ANKRD28: variants seen among roughly 807,000 people sequenced by gnomAD.
ANKRD28 encodes the protein serine/threonine-protein phosphatase 6 regulatory ankyrin repeat subunit A.
Under a neutral mutation model 126.5 loss-of-function variants are expected in ANKRD28, and 44 were observed. The ratio of observed to expected loss-of-function variants is 0.35; its 90% CI spans 0.27 to 0.45. ANKRD28 has a LOEUF of 0.45. Ranked by LOEUF, ANKRD28 falls within the 20% of genes least tolerant of loss-of-function variation. The probability of loss-of-function intolerance (pLI) is 1.00; values close to 1 mark genes in which losing one functional copy is unlikely to be tolerated. For missense variants in ANKRD28, 1,110 were observed against 1,316.6 expected (o/e 0.84, Z 2.43); for synonymous variants, 442 against 468.5 (o/e 0.94, Z 0.73).
chr3:15,808,722 A>G (rs557940452), intron 1 of ANKRD28, among the ~76,000 whole-genome samples: 2 of 152,236 alleles, frequency 1.3e-5, no homozygotes, highest in Admixed American at 1.3e-4. Flanking sequence ...GCCTATAGAA[A>G]GCTTTCCTGC....
At chr3:15,829,245 T>A (rs13075529) in intron 1 of ANKRD28, among the ~76,000 whole-genome samples, 96,203 of 151,770 alleles carry the variant, frequency 0.63, 31,920 homozygotes, top group East Asian at 0.93. Flanking sequence ...ATTATTTTTT[T>A]AAAAAATTAA....
At position 15,830,059 on chromosome 3, in the gene ANKRD28, T is replaced by C. The variant is rs1575784366; in HGVS notation, c.27+29318A>G. Among the ~76,000 whole-genome samples, 1 of 152,162 alleles carries C rather than the reference T, an allele frequency of 6.6e-6. No individual in the cohort carries two copies. Among genetic ancestry groups the C allele is most frequent in the Non-Finnish European group, 1.5e-5 (1 of 68,028 alleles). ...GGTGAAGTGTAATGTAAGTAATTTA[T>C]ACTTAAAAACAATCTTAAGGGAAAT... On this transcript the variant is annotated intron_variant, in intron 1 of 27. Transcript: ENST00000399451. The surrounding 1 kb of genome is among the most constrained non-coding windows in gnomAD (Gnocchi z 4.5).
intron 19 of ANKRD28, 40 bp from the exon 20 acceptor site, chr3:15,686,159 G>C: frequency 6.2e-7 from 1 of 1,601,198 alleles, no homozygotes; most frequent in Non-Finnish European, 8.5e-7. Flanking sequence ...TGTCACTTAA[G>C]ACTGTACTCT....
At chr3:15,850,714 T>C (rs963812061) in intron 1 of ANKRD28, among the ~76,000 whole-genome samples, 3 of 152,218 alleles carry the variant, frequency 2.0e-5, no homozygotes, top group African/African-American at 4.8e-5. Flanking sequence ...CTTCACCCTA[T>C]GTATTTCTTC....
intron 18 of ANKRD28, among the ~76,000 whole-genome samples, chr3:15,687,121 T>C (rs1035713768): frequency 9.2e-5 from 14 of 151,886 alleles, no homozygotes; most frequent in African/African-American, 3.4e-4. Flanking sequence ...TTTTTTGTAT[T>C]TTTAGGAGAG....
At chr3:15,810,477 G>GTA (rs2060688504) in intron 1 of ANKRD28, among the ~76,000 whole-genome samples, 1 of 151,198 alleles carries the variant, frequency 6.6e-6, no homozygotes, top group African/African-American at 2.5e-5. Flanking sequence ...TTAAAATACA[G>GTA]TATATATCAC....
intron 18 of ANKRD28, among the ~76,000 whole-genome samples, chr3:15,689,062 G>A (rs1485683122): frequency 6.6e-6 from 1 of 152,146 alleles, no homozygotes; most frequent in Non-Finnish European, 1.5e-5. Context: ...TGTTTTAAGT[G>A]ATGATAGTCT....
Position 15,751,790 on chromosome 3 carries a change from C to A in ANKRD28, c.311G>T (p.Trp104Leu). 6.3e-7 allele frequency: 1 copy of A among 1,588,212 alleles called. No homozygotes were observed. ...AACTGCTCTGTGTAAAGGTGTCAAC[C>A]ATTTGCTGTCTTTGGCATTAACTCT... ...GARVNAKDSK[W>L]LTPLHRAVAS... The change falls in exon 4 of 28, where the codon TGG (tryptophan) becomes TTG (leucine). Residue 104 changes from tryptophan to leucine, a missense_variant. By Grantham distance (61) the Trp-to-Leu change is moderately conservative. Transcript: ENST00000683139.
At chr3:15,676,219 C>G (rs2066919193) in intron 26 of ANKRD28, 1 of 393,568 alleles carries the variant, frequency 2.5e-6, no homozygotes, top group South Asian at 1.1e-4. Flanking sequence ...CCATAGGTCC[C>G]ATCGACAGGT....
In ANKRD28 at chr3:15,678,245, T is replaced by A; in HGVS notation, c.2671A>T (p.Met891Leu). Residue 891 changes from methionine (M) to leucine (L), a missense_variant, in exon 24 of 28, where the codon ATG becomes TTG. By Grantham distance (15) the Met-to-Leu change is conservative (BLOSUM62 2). Coordinates refer to ENST00000683139, the MANE Select transcript of ANKRD28 (RefSeq NM_001349278.2). Reference sequence around the variant, plus strand: ...GTTTGTCCATTTTCTGCAGCCATCATAAGAGGTGTTTTCCCTGTAGAGTCC... The same window carrying A: ...GTTTGTCCATTTTCTGCAGCCATCAAAAGAGGTGTTTTCCCTGTAGAGTCC... ...SVDSTGKTPL[M>L]MAAENGQTNT... 6.2e-7 allele frequency: 1 copy of A among 1,612,558 alleles called. No homozygotes were observed. Among genetic ancestry groups the A allele is most frequent in the East Asian group, 2.2e-5 (1 of 44,838 alleles).
At chr3:15,705,702 T>C (rs1486182155) in intron 14 of ANKRD28, among the ~76,000 whole-genome samples, 1 of 152,204 alleles carries the variant, frequency 6.6e-6, no homozygotes, top group Non-Finnish European at 1.5e-5. Flanking sequence ...TACTATTGCC[T>C]TTAAGATTAG....
intron 2 of ANKRD28, among the ~76,000 whole-genome samples, chr3:15,772,231 A>C (rs750368725): frequency 7.2e-5 from 11 of 152,178 alleles, no homozygotes; most frequent in Non-Finnish European, 1.0e-4. Flanking sequence ...AACAAAACAA[A>C]AACAGAGTAT....
intron 1 of ANKRD28, among the ~76,000 whole-genome samples, chr3:15,807,709 G>A (rs2060615593): frequency 6.6e-6 from 1 of 152,158 alleles, no homozygotes; most frequent in African/African-American, 2.4e-5. Flanking sequence ...ATAAAGGGTT[G>A]ATAAAGCTGA....
At chr3:15,771,049 T>G (rs1323724585) in intron 2 of ANKRD28, among the ~76,000 whole-genome samples, 1 of 152,164 alleles carries the variant, frequency 6.6e-6, no homozygotes, top group Non-Finnish European at 1.5e-5. Context: ...CAAAGGAATA[T>G]CTGAGGGTGG....
chr3:15,689,814 C>A, intron 18 of ANKRD28: 3 of 546,662 alleles, frequency 5.5e-6, no homozygotes, highest in Non-Finnish European at 9.6e-6. Context: ...CACTGGGATA[C>A]TCCTAATGTT....
chr3:15,766,462 T>C, intron 2 of ANKRD28, 150 bp from the exon 3 acceptor site: 1 of 576,640 alleles, frequency 1.7e-6, no homozygotes, highest in Non-Finnish European at 3.0e-6. Flanking sequence ...AGTCTGCAAG[T>C]CCCAATAAAA....
intron 1 of ANKRD28, among the ~76,000 whole-genome samples, chr3:15,850,224 T>TATATATAGAGAGAGAGAGAGAGAGAG (rs1418223588): frequency 2.8e-5 from 1 of 35,116 alleles, no homozygotes; most frequent in Non-Finnish European, 6.0e-5. Flanking sequence ...TATATATATA[T>TATATATAGAGAGAGAGAGAGAGAGAG]AGAGAGAGAG....
rs1344008568 is a variant in ANKRD28 at position 15,667,910 on chromosome 3, T to TAA, written c.*2358_*2359dup. 6.6e-6 allele frequency: 1 copy of TAA among 152,218 alleles called. No individual in the cohort carries two copies. Among genetic ancestry groups the TAA allele is most frequent in the Non-Finnish European group, 1.5e-5 (1 of 68,042 alleles). The allele number at this position is 152,218 out of a possible 1,614,324, so 9.4% of individuals were successfully genotyped here. A position where few individuals can be genotyped will look rare whatever the true frequency, so the allele number is the denominator to read the frequency against. ...ACACCTTGGATTTCATTAGATGTGG[T>TAA]AAATCTAATAGTGTGTCAAATGAGT... On this transcript the variant is annotated 3_prime_UTR_variant, in exon 28 of 28. Coordinates refer to ENST00000683139, the MANE Select transcript of ANKRD28 (RefSeq NM_001349278.2).
intron 6 of ANKRD28, among the ~76,000 whole-genome samples, chr3:15,727,752 G>A (rs2074286843): frequency 6.6e-6 from 1 of 152,146 alleles, no homozygotes; most frequent in South Asian, 2.1e-4. Context: ...AAGAGAACTA[G>A]AATAAGAAGT....
Sources: gnomAD v4.1 joint callset for allele counts (sites outside exome capture counted in the v4.1 genomes callset) on GRCh38, gnomAD v4.1.1 for gene constraint, Gnocchi (gnomAD v3.1) non-coding constraint, MANE v1.5 for transcripts, NCBI Gene and HGNC (gene_info 2026-07-23, HGNC 2026-07-21) for gene names.